TLR9: variants seen among roughly 807,000 people sequenced by gnomAD.
The protein encoded by TLR9 is toll like receptor 9.
A neutral mutation model predicts 24.6 loss-of-function variants in TLR9; 19 were observed. The observed-to-expected ratio is 0.77, with a 90% CI of 0.54 to 1.13. TLR9 has a LOEUF of 1.13. TLR9 is among the 50% of genes most tolerant of loss of function. The pLI is 0.00. For synonymous variants in TLR9, 579 were observed against 609.8 expected (o/e 0.95, Z 0.74); for missense variants, 1,065 against 1,379.6 (o/e 0.77, Z 3.61).
rs1370388414 is a variant in TLR9 at position 52,221,609 on chromosome 3, C to T, written c.2707G>A (p.Ala903Thr). Residue 903 changes from alanine to threonine, a missense_variant, in exon 2 of 2, where the codon GCA becomes ACA. By Grantham distance (58) the Ala-to-Thr change is moderately conservative (BLOSUM62 0). Transcript: ENST00000360658. This position sits in a 1 kb window ranked among gnomAD's most constrained non-coding sequence, Gnocchi z 9.9. Reference sequence around the variant, plus strand: ...CGTTCCTCCAGGCACAGGCGGAGTGCCCAGCGCCCACGGCACTCCTCCAGC... The same window carrying T: ...CGTTCCTCCAGGCACAGGCGGAGTGTCCAGCGCCCACGGCACTCCTCCAGC... Reference protein sequence around the residue: ...GQLEECRGRWALRLCLEERDW... With the variant: ...GQLEECRGRWTLRLCLEERDW... 1.2e-6 allele frequency: 2 copies of T among 1,613,368 alleles called. No individual in the cohort carries two copies. The highest frequency in any genetic ancestry group is 2.7e-5 in the African/African-American group (2 of 74,938).
intron 1 of TLR9, among the ~76,000 whole-genome samples, chr3:52,224,542 A>T (rs981591092): frequency 2.0e-5 from 3 of 152,138 alleles, no homozygotes; most frequent in Non-Finnish European, 4.4e-5. Context: ...CAGGACTGAG[A>T]CCTAGAATCC....
At position 52,223,095 on chromosome 3, in the gene TLR9, C is replaced by T. The variant is rs1337273287; in HGVS notation, c.1221G>A (p.Gln407=). 9.3e-6 allele frequency: 15 copies of T among 1,612,860 alleles called. No homozygotes were observed. Among genetic ancestry groups the T allele is most frequent in the Non-Finnish European group, 1.3e-5 (15 of 1,179,394 alleles). ...CAGGGAAGGCCCTGAAGATGCCGAG[C>T]TGGGCCTGGTTGATGAAGTTCATCT... ...RLQMNFINQA[Q]LGIFRAFPGL... Residue 407 remains glutamine (Q), a synonymous_variant, in exon 2 of 2, where the codon CAG becomes CAA. Transcript: ENST00000360658.
rs201650866 is a variant in TLR9 at position 52,222,948 on chromosome 3, G to A, written c.1368C>T (p.Ala456=). Reference sequence around the variant, plus strand: ...CTTCAGAGCTGGGAGTGTCCACTGGGGCCGGAGCAAGGTCCCCAGGCTGCA... The same window carrying A: ...CTTCAGAGCTGGGAGTGTCCACTGGAGCCGGAGCAAGGTCCCCAGGCTGCA... ...VWLQPGDLAP[A]PVDTPSSEDF... Residue 456 remains alanine (A), a synonymous_variant, in exon 2 of 2, where the codon GCC becomes GCT. Transcript: ENST00000360658. 5.6e-5 allele frequency: 89 copies of A among 1,598,494 alleles called. No individual in the cohort carries two copies. The Admixed American group carries it at 6.7e-4, about 12-fold the overall frequency.
rs755749895 is a variant in TLR9, at chr3:52,221,710, G to C, written c.2606C>G (p.Pro869Arg). ...RQSGRDEDALPYDAFVVFDKT... is the reference protein window; with the variant it reads ...RQSGRDEDALRYDAFVVFDKT... ...GTCGAAGACCACGAAGGCATCGTAG[G>C]GCAGGGCATCCTCATCTCGCCCACT... Residue 869 changes from proline (P) to arginine (R), a missense_variant, in exon 2 of 2, where the codon CCC (proline) becomes CGC (arginine). Physicochemically the swap from Pro to Arg is moderately radical, Grantham distance 103 (BLOSUM62 -2). Transcript: ENST00000360658. This position sits in a 1 kb window ranked among gnomAD's most constrained non-coding sequence, Gnocchi z 9.9. 5.6e-6 allele frequency: 9 copies of C among 1,613,870 alleles called. No individual in the cohort carries two copies. The highest frequency in any genetic ancestry group is 1.3e-5 in the African/African-American group (1 of 74,956).
rs758360470 is a variant in TLR9 at position 52,222,981 on chromosome 3, C to T, written c.1335G>A (p.Lys445=). Residue 445 remains lysine (K), a synonymous_variant, in exon 2 of 2, where the codon AAG becomes AAA. Transcript: ENST00000360658. ...ATMGEADGGE[K]VWLQPGDLAP... Reference sequence around the variant, plus strand: ...CAAGGTCCCCAGGCTGCAGCCAGACCTTCTCCCCTCCATCTGCCTCCCCCA... The same window carrying T: ...CAAGGTCCCCAGGCTGCAGCCAGACTTTCTCCCCTCCATCTGCCTCCCCCA... The T allele has an allele frequency of 1.9e-6, 3 of 1,593,390 alleles. No homozygotes were observed. The highest frequency in any genetic ancestry group is 2.6e-6 in the Non-Finnish European group (3 of 1,168,012).
Position 52,222,625 on chromosome 3 carries a change from A to G in TLR9, c.1691T>C (p.Val564Ala). The G allele has an allele frequency of 6.2e-7, 1 of 1,614,060 alleles. No homozygotes were observed. The highest frequency in any genetic ancestry group is 8.5e-7 in the Non-Finnish European group (1 of 1,179,978). ...AGCCACGAAGCTGAAGTTGTGGCCCACGCCCTGCATGCCAAAGGGCTGGCT... is the reference window on the plus strand; with the variant it reads ...AGCCACGAAGCTGAAGTTGTGGCCCGCGCCCTGCATGCCAAAGGGCTGGCT... ...YNSQPFGMQG[V>A]GHNFSFVAHL... The change falls in exon 2 of 2, where the codon GTG becomes GCG. Residue 564 changes from valine to alanine, a missense_variant. Coordinates refer to ENST00000360658, the MANE Select transcript of TLR9 (RefSeq NM_017442.4).
intron 1 of TLR9, among the ~76,000 whole-genome samples, chr3:52,224,688 C>G (rs1467143926): frequency 2.0e-5 from 3 of 152,210 alleles, no homozygotes; most frequent in African/African-American, 7.2e-5. Context: ...GCTCCCTCCC[C>G]TCCAGCTGCC....
In TLR9 at chr3:52,225,558, T is replaced by C. The variant is rs766550774; in HGVS notation, c.-29A>G. On this transcript the variant is annotated 5_prime_UTR_variant, in exon 1 of 2. Coordinates refer to ENST00000360658, the MANE Select transcript of TLR9 (RefSeq NM_017442.4). ...GGGGGGCAGGGGCTTCTCCAGAGGG[T>C]CTGGCGGGCAGACTGGACAGCAGCT... The C allele has an allele frequency of 1.3e-6, 2 of 1,576,620 alleles. No individual in the cohort carries two copies. Among genetic ancestry groups the C allele is most frequent in the Middle Eastern group, 1.7e-4 (1 of 5,944 alleles).
rs201261469 is a variant in TLR9 at position 52,225,633 on chromosome 3, C to A, written c.-104G>T. The A allele has an allele frequency of 1.3e-6, 2 of 1,498,964 alleles. No individual in the cohort carries two copies. Among genetic ancestry groups the A allele is most frequent in the Non-Finnish European group, 1.8e-6 (2 of 1,094,946 alleles). The allele number at this position is 1,498,964 out of a possible 1,614,324, so 92.9% of individuals were successfully genotyped here. The stretch of plus-strand genomic sequence containing the variant: ...AGGTCCCTTCCCACAGGGGCAGCAG[C>A]GGCTCAGAGAATAGAGGAAGTAAGA... On this transcript the variant is annotated 5_prime_UTR_variant, in exon 1 of 2. Coordinates refer to ENST00000360658, the MANE Select transcript of TLR9 (RefSeq NM_017442.4).
At position 52,221,895 on chromosome 3, in the gene TLR9, G is replaced by A. The variant is rs766029314; in HGVS notation, c.2421C>T (p.Arg807=). ...AGGAGAGGGCCTCATCCAGGCAGAG[G>A]CGCAGGTCCTGTGCAAAGATGCTGA... is the stretch of plus-strand genomic sequence containing the variant. ...QGLSIFAQDL[R]LCLDEALSWD... Residue 807 remains arginine (R), a synonymous_variant, in exon 2 of 2, where the codon CGC becomes CGT. Coordinates refer to ENST00000360658, the MANE Select transcript of TLR9 (RefSeq NM_017442.4). This position sits in a 1 kb window ranked among gnomAD's most constrained non-coding sequence, Gnocchi z 9.9. 2 of 1,613,694 alleles carry A rather than the reference G, an allele frequency of 1.2e-6. No homozygotes were observed. The highest frequency in any genetic ancestry group is 1.7e-6 in the Non-Finnish European group (2 of 1,179,970).
Position 52,223,723 on chromosome 3 carries a change from A to G in TLR9, c.593T>C (p.Leu198Pro). The G allele has an allele frequency of 6.3e-7, 1 of 1,580,218 alleles. No homozygotes were observed. Among genetic ancestry groups the G allele is most frequent in the Non-Finnish European group, 8.6e-7 (1 of 1,162,576 alleles). Residue 198 changes from leucine (L) to proline (P), a missense_variant, in exon 2 of 2, where the codon CTG becomes CCG. By Grantham distance (98) the Leu-to-Pro change is moderately conservative. Transcript: ENST00000360658. ...LEVAPGALLGLGNLTHLSLKY... is the reference protein window; with the variant it reads ...LEVAPGALLGPGNLTHLSLKY... ...GAGTGACAGGTGGGTGAGGTTGCCC[A>G]GGCCAAGGAGGGCACCCGGGGCCAC...
In TLR9 at chr3:52,221,431, C is replaced by A. The variant is rs201773280; in HGVS notation, c.2885G>T (p.Arg962Leu). ...LLAQQRLLED[R>L]KDVVVLVILS... Reference sequence around the variant, plus strand: ...GATCACCAGCACCACGACGTCCTTGCGGTCCTCCAGCAGGCGCTGCTGGGC... The same window carrying A: ...GATCACCAGCACCACGACGTCCTTGAGGTCCTCCAGCAGGCGCTGCTGGGC... The change falls in exon 2 of 2, where the codon CGC (arginine) becomes CTC (leucine). Residue 962 changes from arginine (R) to leucine (L), a missense_variant. Arg to Leu is a moderately radical substitution (Grantham distance 102). Transcript: ENST00000360658. This position sits in a 1 kb window ranked among gnomAD's most constrained non-coding sequence, Gnocchi z 9.9. 18 of 1,605,684 alleles carry A rather than the reference C, an allele frequency of 1.1e-5. No homozygotes were observed. The highest frequency in any genetic ancestry group is 1.5e-5 in the Non-Finnish European group (18 of 1,174,700).
Position 52,225,635 on chromosome 3 carries a change from G to A in TLR9, c.-106C>T. ...GTCCCTTCCCACAGGGGCAGCAGCG[G>A]CTCAGAGAATAGAGGAAGTAAGATT... On this transcript the variant is annotated 5_prime_UTR_variant, in exon 1 of 2. Coordinates refer to ENST00000360658, the MANE Select transcript of TLR9 (RefSeq NM_017442.4). 1 of 1,493,340 alleles carries A rather than the reference G, an allele frequency of 6.7e-7. No individual in the cohort carries two copies. Among genetic ancestry groups the A allele is most frequent in the Non-Finnish European group, 9.2e-7 (1 of 1,089,892 alleles). The allele number at this position is 1,493,340 out of a possible 1,614,324, so 92.5% of individuals were successfully genotyped here.
Position 52,221,697 on chromosome 3 carries a change from G to A in TLR9, c.2619C>T (p.Phe873=), listed in dbSNP as rs200472672. 42 of 1,613,934 alleles carry A rather than the reference G, an allele frequency of 2.6e-5. No individual in the cohort carries two copies. The highest frequency in any genetic ancestry group is 8.0e-5 in the African/African-American group (6 of 75,042). Residue 873 remains phenylalanine (F), a synonymous_variant, in exon 2 of 2, where the codon TTC becomes TTT. Transcript: ENST00000360658. This position sits in a 1 kb window ranked among gnomAD's most constrained non-coding sequence, Gnocchi z 9.9. ...RDEDALPYDA[F]VVFDKTQSAV... is the part of the protein sequence containing the mutation. The stretch of plus-strand genomic sequence containing the variant: ...CGCTCTGCGTTTTGTCGAAGACCAC[G>A]AAGGCATCGTAGGGCAGGGCATCCT...
Position 52,222,294 on chromosome 3 carries a change from G to A in TLR9, c.2022C>T (p.His674=), listed in dbSNP as rs201492068. The A allele has an allele frequency of 6.2e-7, 1 of 1,614,228 alleles. No individual in the cohort carries two copies. Among genetic ancestry groups the A allele is most frequent in the Non-Finnish European group, 8.5e-7 (1 of 1,180,046 alleles). The change falls in exon 2 of 2, where the codon CAC becomes CAT. Residue 674 remains histidine, a synonymous_variant. Coordinates refer to ENST00000360658, the MANE Select transcript of TLR9 (RefSeq NM_017442.4). ...YLAFFKWWSL[H]FLPKLEVLDL... ...CGAGGACTTCCAGTTTGGGCAGGAA[G>A]TGGAGGCTCCACCACTTAAAGAAGG... is the stretch of plus-strand genomic sequence containing the variant.
intron 1 of TLR9, among the ~76,000 whole-genome samples, chr3:52,224,519 T>C (rs1699602224): frequency 6.6e-6 from 1 of 152,136 alleles, no homozygotes; most frequent in Admixed American, 6.5e-5. Context: ...GACTCAGAAT[T>C]AGGCTTCAGA....
At chr3:52,225,029 G>T (rs1699607391) in intron 1 of TLR9, among the ~76,000 whole-genome samples, 2 of 152,220 alleles carry the variant, frequency 1.3e-5, no homozygotes, top group Admixed American at 1.3e-4. Flanking sequence ...CCCTCTGGGG[G>T]TTTGGGTCTC....
In TLR9 at chr3:52,223,257, G is replaced by A; in HGVS notation, c.1059C>T (p.His353=). ...TCCCGAAGGAAGGGGCCAGAGACAG[G>A]TGGGCAAAGGACACCCTCTTTTGGT... is the stretch of plus-strand genomic sequence containing the variant. ...FNYQKRVSFA[H]LSLAPSFGSL... is the part of the protein sequence containing the mutation. Residue 353 remains histidine, a synonymous_variant, in exon 2 of 2, where the codon CAC becomes CAT. Transcript: ENST00000360658. 1.2e-6 allele frequency: 2 copies of A among 1,614,232 alleles called. No homozygotes were observed. Among genetic ancestry groups the A allele is most frequent in the Non-Finnish European group, 1.7e-6 (2 of 1,180,034 alleles).
rs372839313 is a variant in TLR9, at chr3:52,223,824, G to A, written c.492C>T (p.Ala164=). 78 of 1,608,768 alleles carry A rather than the reference G, an allele frequency of 4.8e-5. No homozygotes were observed. Among genetic ancestry groups the A allele is most frequent in the South Asian group, 1.5e-4 (14 of 90,496 alleles). The part of the protein sequence containing the change: ...NILMLDSASL[A]GLHALRFLFM... ...ATAGGAAGCGCAGGGCATGCAGGCCGGCGAGGCTGGCAGAGTCTAGCATCA... is the reference window on the plus strand; with the variant it reads ...ATAGGAAGCGCAGGGCATGCAGGCCAGCGAGGCTGGCAGAGTCTAGCATCA... The change falls in exon 2 of 2, where the codon GCC becomes GCT. Residue 164 remains alanine (A), a synonymous_variant. Transcript: ENST00000360658.
Sources: gnomAD v4.1 joint callset for allele counts (sites outside exome capture counted in the v4.1 genomes callset) on GRCh38, gnomAD v4.1.1 for gene constraint, Gnocchi (gnomAD v3.1) non-coding constraint, MANE v1.5 for transcripts, NCBI Gene and HGNC (gene_info 2026-07-23, HGNC 2026-07-21) for gene names.